MED12L: variants seen among roughly 807,000 people sequenced by gnomAD.
The protein encoded by MED12L is mediator complex subunit 12L, also known as mediator of RNA polymerase II transcription subunit 12-like protein.
MED12L carries 60 observed loss-of-function variants against 281.3 expected under a neutral mutation model. The observed-to-expected ratio is 0.21, with a 90% CI of 0.17 to 0.26. The LOEUF (loss-of-function observed/expected upper bound fraction) is 0.26. Ranked by LOEUF, MED12L falls within the 10% of genes least tolerant of loss-of-function variation. The pLI is 1.00. For synonymous variants in MED12L, 974 were observed against 987.2 expected, an observed-to-expected ratio of 0.99 and a Z score of 0.25; for missense variants, 2,146 against 2,680.9, an observed-to-expected ratio of 0.80 and a Z score of 4.41.
In MED12L at chr3:151,185,314, C is replaced by T. The variant is rs759200968; in HGVS notation, c.1495-16C>T. On this transcript the variant is annotated splice_polypyrimidine_tract_variant and intron_variant, in intron 11 of 44. Transcript: ENST00000687756. The stretch of plus-strand genomic sequence containing the variant: ...TTCATTTGATGTGGCTGGTACCCCT[C>T]TCTGTTGGTCATTAGGTTGCGCCCA... 1.9e-6 allele frequency: 3 copies of T among 1,612,328 alleles called. No homozygotes were observed. The African/African-American group carries it at 4.0e-5, about 22-fold the overall frequency.
chr3:151,142,728 A>T (rs948666657), intron 5 of MED12L, among the ~76,000 whole-genome samples: 28 of 152,184 alleles, frequency 1.8e-4, no homozygotes, highest in African/African-American at 6.8e-4. Context: ...AATGGCTCTA[A>T]GCTAACCTTT....
chr3:151,223,275 A>C (rs1729778075), intron 16 of MED12L, among the ~76,000 whole-genome samples: 1 of 152,128 alleles, frequency 6.6e-6, no homozygotes, highest in Non-Finnish European at 1.5e-5. Flanking sequence ...TATTGAAAGC[A>C]GTGTAGAGAT....
intron 16 of MED12L, chr3:151,214,208 T>C (rs777817492): frequency 4.1e-5 from 66 of 1,613,788 alleles, no homozygotes; most frequent in Non-Finnish European, 5.3e-5. Flanking sequence ...TTGAGTAGGA[T>C]TCCTGCAATG....
At chr3:151,120,723 A>G (rs959937979) in intron 3 of MED12L, among the ~76,000 whole-genome samples, 1 of 152,254 alleles carries the variant, frequency 6.6e-6, no homozygotes, top group East Asian at 1.9e-4. Context: ...GGAGGTAGAC[A>G]TTGGGACTTG....
chr3:151,295,165 G>A (rs756817481), intron 16 of MED12L: 55 of 1,612,090 alleles, frequency 3.4e-5, no homozygotes, highest in African/African-American at 2.3e-4. Flanking sequence ...CTGGCCCGTC[G>A]CTCCTGTTGC....
chr3:151,316,716 T>C (rs1032743403), intron 16 of MED12L: 3 of 152,182 alleles, frequency 2.0e-5, no homozygotes, highest in Non-Finnish European at 4.4e-5. Context: ...TGGTAAAGCA[T>C]GAAAACGAAA....
In MED12L at chr3:151,435,573, A is replaced by T. The variant is rs544526842; in HGVS notation, c.*2769A>T. 8.5e-5 allele frequency: 13 copies of T among 152,264 alleles called. No homozygotes were observed. Among genetic ancestry groups the T allele is most frequent in the Non-Finnish European group, 1.6e-4 (11 of 68,024 alleles). 9.4% of individuals were successfully genotyped at this position (152,264 alleles called of 1,614,324 possible). Reference sequence around the variant, plus strand: ...GTAATTCTCGGTTTTGTGCACTGAGATATCTAAGACCTATGGCATTTTTTT... The same window carrying T: ...GTAATTCTCGGTTTTGTGCACTGAGTTATCTAAGACCTATGGCATTTTTTT... On this transcript the variant is annotated 3_prime_UTR_variant, in exon 45 of 45. Coordinates refer to ENST00000687756, the MANE Select transcript of MED12L (RefSeq NM_001393769.1).
At chr3:151,239,777 A>C (rs1387874309) in intron 16 of MED12L, among the ~76,000 whole-genome samples, 1 of 152,176 alleles carries the variant, frequency 6.6e-6, no homozygotes, top group African/African-American at 2.4e-5. Context: ...TATGGTTGTT[A>C]GTTTGCTTGT....
chr3:151,094,489 G>A (rs1036766133), intron 2 of MED12L, among the ~76,000 whole-genome samples: 1 of 152,148 alleles, frequency 6.6e-6, no homozygotes, highest in Non-Finnish European at 1.5e-5. Context: ...TACCTCCTAC[G>A]TATTCCTCCC....
At chr3:151,219,463 A>G (rs1728895013) in intron 16 of MED12L, 1 of 152,218 alleles carries the variant, frequency 6.6e-6, no homozygotes, top group African/African-American at 2.4e-5. Flanking sequence ...TGAAGAAAAG[A>G]ATTTTTTCTT....
At chr3:151,169,118 T>TTTTG (rs1721095900) in intron 11 of MED12L, among the ~76,000 whole-genome samples, 1 of 137,052 alleles carries the variant, frequency 7.3e-6, no homozygotes, top group Non-Finnish European at 1.5e-5. Context: ...TTTTTTTTTT[T>TTTTG]TTTGTTTTTT....
intron 16 of MED12L, among the ~76,000 whole-genome samples, chr3:151,331,722 T>G (rs1184790153): frequency 6.6e-6 from 1 of 152,214 alleles, no homozygotes; most frequent in African/African-American, 2.4e-5. Flanking sequence ...TAAGGAAATG[T>G]AGTTAAAAAT....
chr3:151,365,501 G>GA (rs1029087341), intron 22 of MED12L, among the ~76,000 whole-genome samples: 1 of 151,848 alleles, frequency 6.6e-6, no homozygotes, highest in African/African-American at 2.4e-5. Flanking sequence ...CCTGTATTTT[G>GA]AAAAAAACCG....
chr3:151,204,696 TGAAAG>T (rs1726112451), intron 16 of MED12L, among the ~76,000 whole-genome samples: 1 of 152,102 alleles, frequency 6.6e-6, no homozygotes, highest in African/African-American at 2.4e-5. Flanking sequence ...GTAGAGGAGA[TGAAAG>T]GGAGAGAATT....
chr3:151,275,387 T>C (rs1379579954), intron 16 of MED12L, among the ~76,000 whole-genome samples: 1 of 152,032 alleles, frequency 6.6e-6, no homozygotes, highest in Non-Finnish European at 1.5e-5. Flanking sequence ...TGATGAGGGG[T>C]CAGAACATGA....
rs115923902 is a variant in MED12L, at chr3:151,410,045, G to C, written c.5910+713G>C. Among the ~76,000 whole-genome samples the C allele has an allele frequency of 1.3e-3, 192 of 152,266 alleles. 1 individual carries two copies. Among genetic ancestry groups the C allele is most frequent in the African/African-American group, 4.5e-3 (187 of 41,560 alleles). On this transcript the variant is annotated intron_variant, in intron 40 of 44. Coordinates refer to ENST00000687756, the MANE Select transcript of MED12L (RefSeq NM_001393769.1). Reference sequence around the variant, plus strand: ...AAGAAAATAACGGGGCTTGAAATCAGACTTTGGCACAGTTCCTAGCAACTT... The same window carrying C: ...AAGAAAATAACGGGGCTTGAAATCACACTTTGGCACAGTTCCTAGCAACTT...
intron 16 of MED12L, among the ~76,000 whole-genome samples, chr3:151,293,568 G>A (rs925081754): frequency 1.1e-5 from 1 of 92,806 alleles, no homozygotes; most frequent in African/African-American, 5.4e-5. Context: ...GTCCTAAAAT[G>A]AAGCCCTTAC....
intron 5 of MED12L, among the ~76,000 whole-genome samples, chr3:151,147,146 C>A (rs534810367): frequency 7.2e-5 from 11 of 152,184 alleles, no homozygotes; most frequent in African/African-American, 2.6e-4. Context: ...TACTCTTCAC[C>A]CAGCTTTAAC....
intron 11 of MED12L, among the ~76,000 whole-genome samples, chr3:151,174,325 T>C (rs1482724850): frequency 6.6e-6 from 1 of 152,234 alleles, no homozygotes; most frequent in Non-Finnish European, 1.5e-5. Flanking sequence ...TATGCAATTA[T>C]GTATTTCTCA....
Sources: gnomAD v4.1 joint callset for allele counts (sites outside exome capture counted in the v4.1 genomes callset) on GRCh38, gnomAD v4.1.1 for gene constraint, MANE v1.5 for transcripts, NCBI Gene and HGNC (gene_info 2026-07-23, HGNC 2026-07-21) for gene names.